Variants in PMM2 observed in about 807,000 individuals in gnomAD.
PMM2 encodes mannose-6-phosphate isomerase.
Under a neutral mutation model 33.2 loss-of-function variants are expected in PMM2, and 35 were observed. That is an observed-to-expected ratio of 1.06 (90% CI 0.81 to 1.40). The LOEUF (loss-of-function observed/expected upper bound fraction) is 1.40, where lower values mean the gene tolerates loss of function less well. PMM2 is among the 40% of genes most tolerant of loss of function. PMM2 has a pLI of 0.00. For missense variants in PMM2, 386 were observed against 306.0 expected (o/e 1.26, Z -1.95); for synonymous variants, 153 against 114.7 (o/e 1.33, Z -2.13).
intron 7 of PMM2, among the ~76,000 whole-genome samples, chr16:8,831,005 G>T (rs937643264): frequency 5.3e-5 from 8 of 152,278 alleles, no homozygotes; most frequent in African/African-American, 1.9e-4. Flanking sequence ...CAGGTGTGGT[G>T]GTGCACACCT....
intron 7 of PMM2, among the ~76,000 whole-genome samples, chr16:8,830,586 T>C (rs2060803986): frequency 2.0e-5 from 3 of 152,116 alleles, no homozygotes; most frequent in Admixed American, 1.3e-4. Flanking sequence ...TTGAATCATA[T>C]TACCTGTCTG....
intron 1 of PMM2, among the ~76,000 whole-genome samples, 172 bp from the exon 2 acceptor site, chr16:8,801,627 A>G (rs866795478): frequency 1.3e-5 from 2 of 152,188 alleles, no homozygotes; most frequent in South Asian, 4.1e-4. Context: ...AGCTATGACC[A>G]TGCCACTGCA....
intron 7 of PMM2, among the ~76,000 whole-genome samples, chr16:8,827,150 G>A (rs566508456): frequency 2.0e-5 from 3 of 151,980 alleles, no homozygotes; most frequent in African/African-American, 7.2e-5. Context: ...GGTTTTATGA[G>A]GAAAACAGAG....
At chr16:8,845,540 G>A (rs1596508305) in intron 7 of PMM2, among the ~76,000 whole-genome samples, 1 of 152,002 alleles carries the variant, frequency 6.6e-6, no homozygotes. Flanking sequence ...AGGGTGTTTG[G>A]CTCTTTTGAG....
chr16:8,832,504 C>T lies in PMM2; in HGVS notation c.640-15220C>T, dbSNP rs551822914. ...GAGACTCGTGCCGTTAGGCCTCTGT[C>T]CCTGCATGTGACATCTGCAGGGAAG... is the stretch of plus-strand genomic sequence containing the variant. On this transcript the variant is annotated intron_variant, in intron 7 of 7. Coordinates refer to ENST00000268261, the MANE Select transcript of PMM2 (RefSeq NM_000303.3). 15 of 985,420 alleles carry T rather than the reference C, an allele frequency of 1.5e-5. No individual in the cohort carries two copies. The East Asian group carries it at 1.5e-3, about 97-fold the overall frequency. 61.0% of individuals were successfully genotyped at this position (985,420 alleles called of 1,614,324 possible).
chr16:8,811,278 G>T, intron 5 of PMM2, 100 bp downstream of exon 5: 1 of 824,954 alleles, frequency 1.2e-6, no homozygotes, highest in South Asian at 1.4e-5. Context: ...CACTTTGGGA[G>T]GCCAAGGCAG....
At chr16:8,837,728 C>G (rs1030192723) in intron 7 of PMM2, among the ~76,000 whole-genome samples, 1 of 152,022 alleles carries the variant, frequency 6.6e-6, no homozygotes, top group Non-Finnish European at 1.5e-5. Flanking sequence ...GTACTTGCCT[C>G]TCCGCCAGAA....
chr16:8,810,752 T>A (rs2060672734), intron 4 of PMM2: 3 of 371,108 alleles, frequency 8.1e-6, no homozygotes, highest in Admixed American at 8.0e-5. Flanking sequence ...ATTTTTTGTA[T>A]TTTTTGTAGA....
intron 7 of PMM2, among the ~76,000 whole-genome samples, chr16:8,822,149 G>T (rs928302304): frequency 6.6e-6 from 1 of 152,218 alleles, no homozygotes; most frequent in African/African-American, 2.4e-5. Context: ...GGCTTGGGAA[G>T]TGGAGATTGC....
Position 8,845,109 on chromosome 16 carries a change from G to A in PMM2, c.640-2615G>A, listed in dbSNP as rs140053512. 6.9e-3 allele frequency among the ~76,000 whole-genome samples: 1,050 copies of A among 152,318 alleles called. 11 individuals are homozygous for A. The highest frequency in any genetic ancestry group is 0.024 in the African/African-American group (1,004 of 41,562). On this transcript the variant is annotated intron_variant, in intron 7 of 7. Coordinates refer to ENST00000268261, the MANE Select transcript of PMM2 (RefSeq NM_000303.3). Reference sequence around the variant, plus strand: ...TGTTTATTTCACCTGGGTGCAGGCGGGCTGAGTCCGAAAAGAGAGTCGGCA... The same window carrying A: ...TGTTTATTTCACCTGGGTGCAGGCGAGCTGAGTCCGAAAAGAGAGTCGGCA...
chr16:8,828,025 C>CTTTTTT (rs71153002), intron 7 of PMM2, among the ~76,000 whole-genome samples: 16 of 66,598 alleles, frequency 2.4e-4, no homozygotes, highest in South Asian at 5.6e-4. Context: ...CTGTAGAACT[C>CTTTTTT]TTTTTTTTTT....
At chr16:8,827,889 GAT>G (rs1439447796) in intron 7 of PMM2, among the ~76,000 whole-genome samples, 1 of 40,194 alleles carries the variant, frequency 2.5e-5, no homozygotes, top group Non-Finnish European at 5.3e-5. Flanking sequence ...TATAATATAT[GAT>G]ATATATGATA....
At position 8,827,832 on chromosome 16, in the gene PMM2, AT is replaced by A. The variant is rs2060782785; in HGVS notation, c.639+14727del. Among the ~76,000 whole-genome samples, 3 of 91,676 alleles carry A rather than the reference AT, an allele frequency of 3.3e-5. No homozygotes were observed. The South Asian group carries it at 1.1e-3, about 33-fold the overall frequency. The allele number at this position is 91,676 out of a possible 152,430, so 60.1% of individuals were successfully genotyped here. On this transcript the variant is annotated intron_variant, in intron 7 of 7. Transcript: ENST00000268261. Reference sequence around the variant, plus strand: ...TATATTTATATAATATATATTATATATATTGTATAATATATAATATATATGT... The same window carrying A: ...TATATTTATATAATATATATTATATAATTGTATAATATATAATATATATGT...
rs1341147858 is a variant in PMM2 at position 8,848,429 on chromosome 16, CCTG to C, written c.*608_*610del. ...CGTTTTCCCGTGTTTGGGGCTGAGG[CCTG>C]CTGGACAGATGGCTGGCCAAGTGGG... On this transcript the variant is annotated 3_prime_UTR_variant, in exon 8 of 8. Transcript: ENST00000268261. 6 of 161,908 alleles carry C rather than the reference CCTG, an allele frequency of 3.7e-5. No homozygotes were observed. The highest frequency in any genetic ancestry group is 2.8e-4 in the Admixed American group (5 of 17,576). The allele number at this position is 161,908 out of a possible 1,614,324, so 10.0% of individuals were successfully genotyped here. A position where few individuals can be genotyped will look rare whatever the true frequency, so the allele number is the denominator to read the frequency against.
chr16:8,809,164 C>G (rs1348501781), intron 4 of PMM2: 1 of 152,204 alleles, frequency 6.6e-6, no homozygotes, highest in Non-Finnish European at 1.5e-5. Context: ...AGAGGCCACA[C>G]TGACATGGAA....
chr16:8,830,770 G>A (rs182006821), intron 7 of PMM2, among the ~76,000 whole-genome samples: 40 of 152,340 alleles, frequency 2.6e-4, no homozygotes, highest in Non-Finnish European at 4.9e-4. Context: ...TAATTTGTTA[G>A]TCCTACAAAG....
rs34609525 is a variant in PMM2, at chr16:8,847,377, T to TAAAAA, written c.640-335_640-331dup. Among the ~76,000 whole-genome samples the TAAAAA allele has an allele frequency of 1.3e-4, 18 of 140,816 alleles. 1 individual carries two copies. Among genetic ancestry groups the TAAAAA allele is most frequent in the East Asian group, 4.2e-4 (2 of 4,794 alleles). 92.4% of individuals were successfully genotyped at this position (140,816 alleles called of 152,430 possible). A position where few individuals can be genotyped will look rare whatever the true frequency, so the allele number is the denominator to read the frequency against. ...CTTGTTAGAAAAGCGTAGGTACAGCTAAAAAAAAAAAAAAAACTGATGGCT... is the reference window on the plus strand; with the variant it reads ...CTTGTTAGAAAAGCGTAGGTACAGCTAAAAAAAAAAAAAAAAAAAAACTGATGGCT... On this transcript the variant is annotated intron_variant, in intron 7 of 7. Coordinates refer to ENST00000268261, the MANE Select transcript of PMM2 (RefSeq NM_000303.3).
chr16:8,813,556 G>A (rs1293849590), intron 7 of PMM2, among the ~76,000 whole-genome samples: 6 of 152,144 alleles, frequency 3.9e-5, no homozygotes, highest in Non-Finnish European at 8.8e-5. Context: ...AACAGGAGAG[G>A]ACACCAGCAA....
chr16:8,813,186 T>C (rs1252303711), intron 7 of PMM2, 80 bp downstream of exon 7: 21 of 927,254 alleles, frequency 2.3e-5, no homozygotes, highest in Non-Finnish European at 3.8e-5. Context: ...CTGTTTTTCC[T>C]GTACCTACAC....
Sources: allele counts gnomAD v4.1 joint callset (sites outside exome capture counted in the v4.1 genomes callset), GRCh38; gene constraint gnomAD v4.1.1; transcripts MANE v1.5; gene names NCBI Gene and HGNC (gene_info 2026-07-23, HGNC 2026-07-21).